IFT172: variants seen among roughly 807,000 people sequenced by gnomAD.
IFT172 encodes intraflagellar transport 172, also known as intraflagellar transport protein 172 homolog.
IFT172 carries 164 observed loss-of-function variants against 248.9 expected under a neutral mutation model. The ratio of observed to expected loss-of-function variants is 0.66; its 90% CI spans 0.58 to 0.75. The LOEUF is 0.75. Among genes scored for constraint, IFT172 ranks in the 30% least tolerant of loss-of-function variants. The probability of loss-of-function intolerance (pLI) is 0.00; values close to 1 mark genes in which losing one functional copy is unlikely to be tolerated. For synonymous variants in IFT172, 729 were observed against 791.6 expected (o/e 0.92, Z 1.33); for missense variants, 1,950 against 2,192.4 (o/e 0.89, Z 2.21).
Position 27,483,642 on chromosome 2 carries a change from G to A in IFT172, c.420C>T (p.Thr140=). The change falls in exon 6 of 48, where the codon ACC becomes ACT. Residue 140 remains threonine (T), a synonymous_variant. Transcript: ENST00000260570. ...LAEGKVRLAN[T]KTNKSSTIYG... ...AGATGGTAGATGATTTATTAGTTTT[G>A]GTGTTTGCTAAACGAACCTGAAAAT... 6.2e-7 allele frequency: 1 copy of A among 1,614,032 alleles called. No homozygotes were observed. Among genetic ancestry groups the A allele is most frequent in the Non-Finnish European group, 8.5e-7 (1 of 1,180,006 alleles).
intron 20 of IFT172, 77 bp from the exon 21 acceptor site, chr2:27,461,913 G>A: frequency 2.0e-6 from 3 of 1,523,952 alleles, no homozygotes; most frequent in South Asian, 1.1e-5. Flanking sequence ...TCCTCAGCCT[G>A]GCTAAGATGC....
chr2:27,450,115 G>A lies in IFT172; in HGVS notation c.3952-19C>T, dbSNP rs367962098. The A allele has an allele frequency of 3.5e-5, 55 of 1,571,264 alleles. No individual in the cohort carries two copies. The African/African-American group carries it at 6.7e-4, about 19-fold the overall frequency. ...CAGCTGCCTGAGTGGTTGAACAGAA[G>A]ATGGAAATGGGTAGGAGAGACAAAT... On this transcript the variant is annotated intron_variant, in intron 35 of 47. Transcript: ENST00000260570.
At chr2:27,461,685 T>C in intron 21 of IFT172, 74 bp downstream of exon 21, 2 of 1,593,598 alleles carry the variant, frequency 1.3e-6, no homozygotes, top group Non-Finnish European at 8.6e-7. Flanking sequence ...TTCTATGGCC[T>C]CCTTGACAAA....
rs1553322542 is a variant in IFT172, at chr2:27,449,397, C to T, written c.4225-17G>A. ...ACCCACCAGCTGGGTCAATGGAAGA[C>T]AGAGTTACAAGAGAAAAGAGATGAC... On this transcript the variant is annotated splice_polypyrimidine_tract_variant and intron_variant, in intron 38 of 47. Coordinates refer to ENST00000260570, the MANE Select transcript of IFT172 (RefSeq NM_015662.3). 65 of 1,613,994 alleles carry T rather than the reference C, an allele frequency of 4.0e-5. No homozygotes were observed. The South Asian group carries it at 6.9e-4, about 17-fold the overall frequency.
At chr2:27,472,421 C>T in intron 14 of IFT172, 59 bp from the exon 15 acceptor site, 1 of 1,328,602 alleles carries the variant, frequency 7.5e-7, no homozygotes, top group Non-Finnish European at 1.1e-6. Context: ...CATAGTATGG[C>T]CAACACACAT....
chr2:27,461,401 G>C lies in IFT172; in HGVS notation c.2310C>G (p.Ile770Met), dbSNP rs747166388. 3.1e-6 allele frequency: 5 copies of C among 1,614,208 alleles called. No individual in the cohort carries two copies. Among genetic ancestry groups the C allele is most frequent in the Non-Finnish European group, 4.2e-6 (5 of 1,180,032 alleles). The part of the protein sequence containing the change: ...QESQGDGLAA[I>M]SLYLKAGLPA... ...GGAGCCCAGCTTTGAGGTAGAGGCT[G>C]ATGGCTGCTAGCCCATCCCCTTGGC... Residue 770 changes from isoleucine (I) to methionine (M), a missense_variant, in exon 22 of 48, where the codon ATC (isoleucine) becomes ATG (methionine). Ile to Met is a conservative substitution (Grantham distance 10). Around this residue, in one of 3 missense-constraint regions of IFT172, gnomAD observed 1,166 missense variants for 1,254.1 expected, o/e 0.93. Coordinates refer to ENST00000260570, the MANE Select transcript of IFT172 (RefSeq NM_015662.3).
intron 3 of IFT172, 44 bp from the exon 4 acceptor site, chr2:27,484,310 G>T (rs1480627586): frequency 7.5e-6 from 12 of 1,607,444 alleles, no homozygotes; most frequent in Non-Finnish European, 1.0e-5. Context: ...ACCACTTCCA[G>T]GCCGGGCGTG....
At chr2:27,484,317 C>T (rs373140857) in intron 3 of IFT172, 51 bp from the exon 4 acceptor site, 22 of 1,597,816 alleles carry the variant, frequency 1.4e-5, no homozygotes, top group East Asian at 4.5e-5. Context: ...CCAGGCCGGG[C>T]GTGGTGGCTC....
At chr2:27,449,658 G>T (rs1213208419) in intron 37 of IFT172, 33 bp downstream of exon 37, 1 of 1,609,708 alleles carries the variant, frequency 6.2e-7, no homozygotes, top group South Asian at 1.1e-5. Context: ...AAGTAAAAGA[G>T]AATTTCGCAG....
At position 27,444,391 on chromosome 2, in the gene IFT172, T is replaced by C. The variant is rs778920690; in HGVS notation, c.*41A>G. On this transcript the variant is annotated 3_prime_UTR_variant, in exon 48 of 48. Transcript: ENST00000260570. The stretch of plus-strand genomic sequence containing the variant: ...AGTGGTCTCAATTATTTATAAAACT[T>C]TAATGAGGGAGAGGCCCTAACTCTT... The C allele has an allele frequency of 7.7e-7, 1 of 1,304,392 alleles. No individual in the cohort carries two copies. Among genetic ancestry groups the C allele is most frequent in the Admixed American group, 1.9e-5 (1 of 53,580 alleles). The allele number at this position is 1,304,392 out of a possible 1,614,324, so 80.8% of individuals were successfully genotyped here.
At position 27,467,418 on chromosome 2, in the gene IFT172, G is replaced by GA. The variant is rs34115935; in HGVS notation, c.1693-1537dup. ...TGAGAACTTGTCTTTACAGAAAATT[G>GA]AAAAAAAAAAAAAAAAAAAAAAAAA... On this transcript the variant is annotated intron_variant, in intron 16 of 47. Coordinates refer to ENST00000260570, the MANE Select transcript of IFT172 (RefSeq NM_015662.3). Among the ~76,000 whole-genome samples the GA allele has an allele frequency of 4.7e-3, 78 of 16,424 alleles. 12 individuals carry two copies. Among genetic ancestry groups the GA allele is most frequent in the East Asian group, 0.012 (5 of 420 alleles). The allele number at this position is 16,424 out of a possible 152,430, so 10.8% of individuals were successfully genotyped here. A position where few individuals can be genotyped will look rare whatever the true frequency, so the allele number is the denominator to read the frequency against.
intron 1 of IFT172, among the ~76,000 whole-genome samples, chr2:27,488,368 G>A (rs1255465568): frequency 1.4e-5 from 2 of 143,478 alleles, no homozygotes; most frequent in African/African-American, 2.7e-5. Context: ...TGGCCAGGCT[G>A]GACTTGAACT....
In IFT172 at chr2:27,445,994, G is replaced by C. The variant is rs970633023; in HGVS notation, c.4756-6C>G. 2 of 1,614,116 alleles carry C rather than the reference G, an allele frequency of 1.2e-6. No homozygotes were observed. The highest frequency in any genetic ancestry group is 2.7e-5 in the African/African-American group (2 of 74,938). ...ATGTTATCCCAGCCAACTGCCTGCA[G>C]CAAAGAAGAGTTGCAAATGGGAGTG... On this transcript the variant is annotated splice_region_variant and splice_polypyrimidine_tract_variant and intron_variant, in intron 43 of 47. Coordinates refer to ENST00000260570, the MANE Select transcript of IFT172 (RefSeq NM_015662.3). This position sits in a 1 kb window ranked among gnomAD's most constrained non-coding sequence, Gnocchi z 4.4.
At chr2:27,474,564 TG>T (rs532672530) in intron 14 of IFT172, among the ~76,000 whole-genome samples, 41 of 152,354 alleles carry the variant, frequency 2.7e-4, no homozygotes, top group South Asian at 8.3e-4. Context: ...TTCTTTTTTT[TG>T]TTGGAGACGG....
chr2:27,446,083 G>C, intron 43 of IFT172, 95 bp from the exon 44 acceptor site: 3 of 1,485,568 alleles, frequency 2.0e-6, no homozygotes, highest in Non-Finnish European at 2.8e-6. Context: ...AGCAAGCTGG[G>C]CTTGAATGCT....
chr2:27,488,279 G>A (rs985633730), intron 1 of IFT172, among the ~76,000 whole-genome samples: 7 of 152,218 alleles, frequency 4.6e-5, no homozygotes, highest in African/African-American at 1.4e-4. Context: ...TCAGCCTCCT[G>A]AGTAGCTGGG....
chr2:27,464,624 CTT>C (rs201342524), intron 18 of IFT172, among the ~76,000 whole-genome samples: 5 of 145,640 alleles, frequency 3.4e-5, no homozygotes, highest in Non-Finnish European at 1.5e-5. Flanking sequence ...TGTTTTTTCA[CTT>C]TTTTTTTTTT....
At chr2:27,476,964 C>T in intron 13 of IFT172, 1 of 592,382 alleles carries the variant, frequency 1.7e-6, no homozygotes, top group Non-Finnish European at 3.0e-6. Flanking sequence ...ACTGGGACTA[C>T]AGGGGTGTGC....
At chr2:27,448,545 CAG>C (rs929242999) in intron 40 of IFT172, among the ~76,000 whole-genome samples, 3 of 152,150 alleles carry the variant, frequency 2.0e-5, no homozygotes, top group African/African-American at 7.2e-5. Context: ...AATGTAAATG[CAG>C]AGTCACAACA....
Sources: allele counts gnomAD v4.1 joint callset (sites outside exome capture counted in the v4.1 genomes callset), GRCh38; gene constraint gnomAD v4.1.1; regional missense constraint gnomAD v4.1.1; non-coding constraint Gnocchi (gnomAD v3.1); transcripts MANE v1.5; gene names NCBI Gene and HGNC (gene_info 2026-07-23, HGNC 2026-07-21).